PKHD1: variants seen among roughly 807,000 people sequenced by gnomAD.
PKHD1 encodes fibrocystin.
Under a neutral mutation model 412.0 loss-of-function variants are expected in PKHD1, and 291 were observed. The ratio of observed to expected loss-of-function variants is 0.71; its 90% CI spans 0.64 to 0.78. The LOEUF (loss-of-function observed/expected upper bound fraction) is 0.78, where lower values mean the gene tolerates loss of function less well. PKHD1 is among the 30% of genes least tolerant of loss of function. PKHD1 has a pLI of 0.00. For missense variants in PKHD1, 4,825 were observed against 4,950.7 expected, an observed-to-expected ratio of 0.97 and a Z score of 0.76; for synonymous variants, 1,777 against 1,821.5, an observed-to-expected ratio of 0.98 and a Z score of 0.62.
At chr6:51,923,855 A>T (rs1785110698) in intron 37 of PKHD1, among the ~76,000 whole-genome samples, 1 of 152,174 alleles carries the variant, frequency 6.6e-6, no homozygotes, top group Non-Finnish European at 1.5e-5. Flanking sequence ...ACAAGTAAAT[A>T]CCAGCTATGT....
intron 8 of PKHD1, among the ~76,000 whole-genome samples, chr6:52,071,542 C>T (rs12206400): frequency 0.41 from 62,514 of 151,702 alleles, 14,954 homozygotes; most frequent in Admixed American, 0.57. Context: ...CACACCCTGT[C>T]CAGAGTGAAG....
intron 64 of PKHD1, among the ~76,000 whole-genome samples, chr6:51,634,623 C>T (rs1768305714): frequency 6.6e-6 from 1 of 152,126 alleles, no homozygotes; most frequent in Admixed American, 6.5e-5. Context: ...TAGGATGTGA[C>T]ACATGCCACT....
intron 37 of PKHD1, among the ~76,000 whole-genome samples, chr6:51,916,903 A>G (rs953363288): frequency 6.6e-5 from 10 of 151,966 alleles, no homozygotes; most frequent in African/African-American, 2.2e-4. Flanking sequence ...CCAACAAACT[A>G]CTCATTTACT....
intron 49 of PKHD1, among the ~76,000 whole-genome samples, chr6:51,855,136 G>C (rs1231516880): frequency 6.6e-6 from 1 of 152,208 alleles, no homozygotes; most frequent in South Asian, 2.1e-4. Flanking sequence ...CTCACTCACC[G>C]CCTCCCTTGG....
At chr6:51,695,147 A>T (rs193078613) in intron 60 of PKHD1, among the ~76,000 whole-genome samples, 1 of 152,354 alleles carries the variant, frequency 6.6e-6, no homozygotes, top group East Asian at 1.9e-4. Context: ...TTAAATCAGC[A>T]GGATTTAAAG....
At chr6:51,651,179 A>T (rs893676431) in intron 61 of PKHD1, among the ~76,000 whole-genome samples, 1 of 152,152 alleles carries the variant, frequency 6.6e-6, no homozygotes, top group Admixed American at 6.5e-5. Context: ...GTGAGCAAAC[A>T]TCTCTTGTTA....
At chr6:51,783,730 T>C (rs1232872146) in intron 53 of PKHD1, among the ~76,000 whole-genome samples, 2 of 152,284 alleles carry the variant, frequency 1.3e-5, no homozygotes, top group East Asian at 1.9e-4. Flanking sequence ...CAAATGTTTA[T>C]TGAACAAGCT....
chr6:51,856,281 A>G (rs960983645), intron 48 of PKHD1, among the ~76,000 whole-genome samples: 1 of 152,130 alleles, frequency 6.6e-6, no homozygotes, highest in Non-Finnish European at 1.5e-5. Flanking sequence ...TCATTTGCAA[A>G]TTACAATGTC....
At chr6:51,734,602 G>A (rs531693768) in intron 60 of PKHD1, among the ~76,000 whole-genome samples, 3 of 152,140 alleles carry the variant, frequency 2.0e-5, no homozygotes, top group South Asian at 4.2e-4. Context: ...GCTGAGCAAC[G>A]GGTGAAGGAG....
chr6:51,818,497 A>G (rs144508086), intron 52 of PKHD1, among the ~76,000 whole-genome samples: 1 of 152,284 alleles, frequency 6.6e-6, no homozygotes, highest in African/African-American at 2.4e-5. Context: ...TGTCTCTGTT[A>G]TCTCTGAGCT....
chr6:52,054,071 C>G lies in PKHD1; in HGVS notation c.1931G>C (p.Cys644Ser). ...GCTGGTCCTCGTGAGACTCCAGTCA[C>G]AGGTGGTATTCTTTACCATGTTTTG... ...GFQNMVKNTT[C>S]DWSLTRTSPE... Residue 644 changes from cysteine (C) to serine (S), a missense_variant, in exon 20 of 67, where the codon TGT (cysteine) becomes TCT (serine). By Grantham distance (112) the Cys-to-Ser change is moderately radical. Transcript: ENST00000371117. 6.2e-7 allele frequency: 1 copy of G among 1,613,974 alleles called. No individual in the cohort carries two copies. The highest frequency in any genetic ancestry group is 8.5e-7 in the Non-Finnish European group (1 of 1,179,864).
In PKHD1 at chr6:51,850,512, T is replaced by C. The variant is rs1772010635; in HGVS notation, c.7912-2542A>G. Among the ~76,000 whole-genome samples the C allele has an allele frequency of 2.6e-5, 4 of 152,254 alleles. No individual in the cohort carries two copies. In the South Asian group the frequency reaches 8.3e-4, roughly 31 times the overall value. On this transcript the variant is annotated intron_variant, in intron 49 of 66. Coordinates refer to ENST00000371117, the MANE Select transcript of PKHD1 (RefSeq NM_138694.4). ...ATAGCCATTTTCACGACATTGATTC[T>C]TCCTATCCATGAGCGTGGAATGTCT...
At chr6:51,960,067 T>TTGGC (rs1791779900) in intron 35 of PKHD1, 41 bp from the exon 36 acceptor site, 3 of 1,604,476 alleles carry the variant, frequency 1.9e-6, no homozygotes, top group Non-Finnish European at 2.6e-6. Context: ...GGTTGGTTGG[T>TTGGC]TGGCTGGTCT....
At position 52,064,737 on chromosome 6, in the gene PKHD1, G is replaced by C. The variant is rs568662761; in HGVS notation, c.976+218C>G. On this transcript the variant is annotated intron_variant, in intron 13 of 66. Coordinates refer to ENST00000371117, the MANE Select transcript of PKHD1 (RefSeq NM_138694.4). ...TCTTCTGGACGCCACTGGCCATACA[G>C]CTGGCTGGAGCTAGAAGTGCAATGT... Among the ~76,000 whole-genome samples the C allele has an allele frequency of 5.3e-5, 8 of 151,704 alleles. No individual in the cohort carries two copies. The South Asian group carries it at 1.7e-3, about 32-fold the overall frequency.
chr6:51,981,341 C>G (rs963538613), intron 35 of PKHD1, among the ~76,000 whole-genome samples: 16 of 82,850 alleles, frequency 1.9e-4, no homozygotes, highest in African/African-American at 2.4e-4. Context: ...CTCCCTCTCC[C>G]TCTCCCTCTC....
In PKHD1 at chr6:52,046,148, G is replaced by T; in HGVS notation, c.2448C>A (p.Leu816=). 3 of 1,613,844 alleles carry T rather than the reference G, an allele frequency of 1.9e-6. No homozygotes were observed. The highest frequency in any genetic ancestry group is 2.5e-6 in the Non-Finnish European group (3 of 1,179,744). The change falls in exon 24 of 67, where the codon CTC becomes CTA. Residue 816 remains leucine (L), a synonymous_variant. Coordinates refer to ENST00000371117, the MANE Select transcript of PKHD1 (RefSeq NM_138694.4). Reference sequence around the variant, plus strand: ...TGAAGTCATCGGCATTATTCTGTAAGAGCTGGTGAAGGTGATGAGCAGAAA... The same window carrying T: ...TGAAGTCATCGGCATTATTCTGTAATAGCTGGTGAAGGTGATGAGCAGAAA... ...VQISAHHLHQ[L]LQNNADDFTS...
chr6:51,661,107 G>A (rs75892636), intron 60 of PKHD1, among the ~76,000 whole-genome samples: 6,897 of 152,182 alleles, frequency 0.045, 213 homozygotes, highest in African/African-American at 0.073. Context: ...CAATGTTTCT[G>A]TCACTTAGGG....
intron 36 of PKHD1, among the ~76,000 whole-genome samples, chr6:51,951,432 A>C (rs913039924): frequency 6.6e-5 from 10 of 152,180 alleles, no homozygotes; most frequent in African/African-American, 2.4e-4. Context: ...TCTCTTTATC[A>C]AAGTTCAGTT....
At chr6:51,753,653 C>G (rs976788850) in intron 56 of PKHD1, among the ~76,000 whole-genome samples, 1 of 152,158 alleles carries the variant, frequency 6.6e-6, no homozygotes, top group African/African-American at 2.4e-5. Context: ...CAGACCTGTC[C>G]AATTAGTGGG....
Sources: allele counts gnomAD v4.1 joint callset (sites outside exome capture counted in the v4.1 genomes callset), GRCh38; gene constraint gnomAD v4.1.1; transcripts MANE v1.5; gene names NCBI Gene and HGNC (gene_info 2026-07-23, HGNC 2026-07-21).